NF1: variants seen among roughly 807,000 people sequenced by gnomAD.
The protein encoded by NF1 is neurofibromin 1.
NF1 carries 122 observed loss-of-function variants against 325.7 expected under a neutral mutation model. That is an observed-to-expected ratio of 0.37 (90% CI 0.32 to 0.44). The LOEUF is 0.44. Ranked by LOEUF, NF1 falls within the 20% of genes least tolerant of loss-of-function variation. The pLI, the probability that NF1 is intolerant of heterozygous loss-of-function variation, is 1.00. For synonymous variants in NF1, 1,091 were observed against 1,186.0 expected (o/e 0.92, Z 1.65); for missense variants, 2,140 against 3,415.4 (o/e 0.63, Z 9.31).
chr17:31,361,428 T>G (rs2070398653), intron 57 of NF1: 1 of 152,254 alleles, frequency 6.6e-6, no homozygotes, highest in South Asian at 2.1e-4. Context: ...ACAACTCTGG[T>G]TGACCCTGGA....
chr17:31,237,198 A>G (rs188942426), intron 29 of NF1, among the ~76,000 whole-genome samples: 1 of 152,348 alleles, frequency 6.6e-6, no homozygotes, highest in Non-Finnish European at 1.5e-5. Flanking sequence ...ATCAACTGTA[A>G]TATCTATTCA....
rs139063531 is a variant in NF1 at position 31,241,497 on chromosome 17, A to T, written c.3974+5476A>T. Among the ~76,000 whole-genome samples the T allele has an allele frequency of 6.6e-3, 998 of 151,836 alleles. 16 individuals are homozygous for T. Among genetic ancestry groups the T allele is most frequent in the African/African-American group, 0.023 (933 of 41,378 alleles). On this transcript the variant is annotated intron_variant, in intron 29 of 57. Coordinates refer to ENST00000358273, the MANE Select transcript of NF1 (RefSeq NM_001042492.3). The stretch of plus-strand genomic sequence containing the variant: ...GATATGTGTTAATTTCTTGCTTTTT[A>T]TTTTTTGTGCATCTGTTGTATGTTT...
intron 31 of NF1, 170 bp downstream of exon 31, chr17:31,253,170 C>T (rs1425846240): frequency 1.1e-5 from 7 of 613,684 alleles, no homozygotes; most frequent in African/African-American, 1.8e-5. Flanking sequence ...AATTAAGTTA[C>T]ATTGAAACAT....
At chr17:31,142,295 G>A (rs1370560439) in intron 1 of NF1, among the ~76,000 whole-genome samples, 1 of 152,074 alleles carries the variant, frequency 6.6e-6, no homozygotes, top group African/African-American at 2.4e-5. Flanking sequence ...CTATAATATA[G>A]CAAGAAATGT....
chr17:31,296,431 C>T (rs749807169), intron 36 of NF1: 58 of 1,198,634 alleles, frequency 4.8e-5, no homozygotes, highest in Non-Finnish European at 6.2e-5. Context: ...TTTCAATAAA[C>T]CTCGTTGTTG....
At position 31,343,143 on chromosome 17, in the gene NF1, A is replaced by G. The variant is rs750100211; in HGVS notation, c.7189+8A>G. The G allele has an allele frequency of 1.2e-6, 2 of 1,606,358 alleles. No individual in the cohort carries two copies. The highest frequency in any genetic ancestry group is 4.5e-5 in the East Asian group (2 of 44,828). ...TTGGACACCTTTTAAAAGGTAAAAA[A>G]GCCTTATTTAGAATATTTTTATGAA... On this transcript the variant is annotated splice_region_variant and intron_variant, in intron 48 of 57. Transcript: ENST00000358273.
chr17:31,127,620 C>T (rs571357951), intron 1 of NF1, among the ~76,000 whole-genome samples: 22 of 142,090 alleles, frequency 1.5e-4, no homozygotes, highest in African/African-American at 3.4e-4. Context: ...TTTAAAGAAA[C>T]GGGGTTTTGC....
chr17:31,116,692 G>C (rs1913944798), intron 1 of NF1, among the ~76,000 whole-genome samples: 1 of 151,928 alleles, frequency 6.6e-6, no homozygotes, highest in South Asian at 2.1e-4. Flanking sequence ...TTTCGAGACG[G>C]AGTCTTGCCC....
intron 36 of NF1, among the ~76,000 whole-genome samples, chr17:31,288,640 G>A (rs1000236561): frequency 2.0e-5 from 3 of 150,992 alleles, no homozygotes; most frequent in African/African-American, 4.9e-5. Context: ...GGGTTCAAGC[G>A]ATCCTCCTGC....
intron 36 of NF1, among the ~76,000 whole-genome samples, chr17:31,289,527 A>G (rs947488267): frequency 6.6e-6 from 1 of 152,186 alleles, no homozygotes; most frequent in African/African-American, 2.4e-5. Context: ...CTACAGTGTT[A>G]GTTAGCATTT....
rs758022528 is a variant in NF1 at position 31,219,126 on chromosome 17, G to A, written c.1641+8G>A. ...GCTCAGGAAGCAATGGAGGTAAGGG[G>A]AAAATGAATTCCATGTTCTTGAAGG... On this transcript the variant is annotated splice_region_variant and intron_variant, in intron 14 of 57. Coordinates refer to ENST00000358273, the MANE Select transcript of NF1 (RefSeq NM_001042492.3). 1.2e-6 allele frequency: 2 copies of A among 1,611,252 alleles called. No individual in the cohort carries two copies. Among genetic ancestry groups the A allele is most frequent in the Non-Finnish European group, 1.7e-6 (2 of 1,178,336 alleles).
At chr17:31,288,728 C>T (rs182712949) in intron 36 of NF1, among the ~76,000 whole-genome samples, 122 of 152,052 alleles carry the variant, frequency 8.0e-4, no homozygotes, top group Admixed American at 7.7e-3. Flanking sequence ...AGGGTTTCAC[C>T]ATTTTGGCCA....
At chr17:31,154,564 T>A (rs1917183021) in intron 1 of NF1, among the ~76,000 whole-genome samples, 1 of 151,958 alleles carries the variant, frequency 6.6e-6, no homozygotes, top group Non-Finnish European at 1.5e-5. Flanking sequence ...AAAATAAAAT[T>A]AAAAAGGTTA....
In NF1 at chr17:31,216,358, GT is replaced by G. The variant is rs1369052997; in HGVS notation, c.1527+1777del. Among the ~76,000 whole-genome samples, 4 of 152,088 alleles carry G rather than the reference GT, an allele frequency of 2.6e-5. No homozygotes were observed. In the East Asian group the frequency reaches 7.7e-4, roughly 29 times the overall value. ...TTTGCTGCCATCTAGTGGTTAATAA[GT>G]TTTCTCAAGGTAACCATAAGTACAT... On this transcript the variant is annotated intron_variant, in intron 13 of 57. Transcript: ENST00000358273.
rs772278346 is a variant in NF1 at position 31,172,347 on chromosome 17, CTCTG to C, written c.586+2354_586+2357del. 5.5e-3 allele frequency among the ~76,000 whole-genome samples: 783 copies of C among 141,826 alleles called. 10 individuals carry two copies. The highest frequency in any genetic ancestry group is 0.031 in the South Asian group (140 of 4,544). 93.0% of individuals were successfully genotyped at this position (141,826 alleles called of 152,430 possible). A position where few individuals can be genotyped will look rare whatever the true frequency, so the allele number is the denominator to read the frequency against. The stretch of plus-strand genomic sequence containing the variant: ...CCTGTCTCTGTCTGTCTCTCTGTCT[CTCTG>C]TCTCTCTCTCTCTCTCTCTCTTTCT... On this transcript the variant is annotated intron_variant, in intron 5 of 57. Coordinates refer to ENST00000358273, the MANE Select transcript of NF1 (RefSeq NM_001042492.3).
intron 1 of NF1, among the ~76,000 whole-genome samples, chr17:31,124,443 C>T (rs1395951635): frequency 6.6e-6 from 1 of 150,598 alleles, no homozygotes; most frequent in Non-Finnish European, 1.5e-5. Flanking sequence ...ATTTTAACTG[C>T]ACGTATAATA....
intron 36 of NF1, among the ~76,000 whole-genome samples, chr17:31,270,828 CAATT>C (rs2067880596): frequency 6.6e-6 from 1 of 152,128 alleles, no homozygotes; most frequent in Non-Finnish European, 1.5e-5. Context: ...ATATTATTAA[CAATT>C]AATTGACGTA....
intron 1 of NF1, among the ~76,000 whole-genome samples, chr17:31,109,309 C>T (rs1913190530): frequency 6.6e-6 from 1 of 152,050 alleles, no homozygotes; most frequent in African/African-American, 2.4e-5. Context: ...GAGGTGGGCT[C>T]TTCATGCTTT....
intron 27 of NF1, among the ~76,000 whole-genome samples, chr17:31,234,280 A>C (rs996823563): frequency 6.6e-6 from 1 of 152,230 alleles, no homozygotes; most frequent in Non-Finnish European, 1.5e-5. Flanking sequence ...TTGAAGCCTA[A>C]ATTTCAGAAA....
Sources: allele counts gnomAD v4.1 joint callset (sites outside exome capture counted in the v4.1 genomes callset), GRCh38; gene constraint gnomAD v4.1.1; transcripts MANE v1.5; gene names NCBI Gene and HGNC (gene_info 2026-07-23, HGNC 2026-07-21).